Variants in DIP2C observed in about 807,000 individuals in gnomAD.
DIP2C encodes the protein DIP2 acetate--CoA ligase C (putative), also known as disco-interacting protein 2 homolog C.
A neutral mutation model predicts 192.4 loss-of-function variants in DIP2C; 33 were observed. The observed-to-expected ratio is 0.17, with a 90% CI of 0.13 to 0.23. DIP2C has a LOEUF of 0.23. DIP2C is among the 10% of genes least tolerant of loss of function. DIP2C has a pLI of 1.00. For synonymous variants in DIP2C, 979 were observed against 864.1 expected (o/e 1.13, Z -2.33); for missense variants, 1,537 against 2,110.1 (o/e 0.73, Z 5.32).
chr10:368,742 G>C (rs1367037201), intron 18 of DIP2C, among the ~76,000 whole-genome samples: 2 of 152,214 alleles, frequency 1.3e-5, no homozygotes, highest in Non-Finnish European at 2.9e-5. Flanking sequence ...CACAGGCATG[G>C]CTACCCTGCT....
Position 532,614 on chromosome 10 carries a change from T to A in DIP2C, c.86-46084A>T, listed in dbSNP as rs1466283151. 2.9e-3 allele frequency among the ~76,000 whole-genome samples: 369 copies of A among 125,664 alleles called. 20 individuals are homozygous for A. Among genetic ancestry groups the A allele is most frequent in the African/African-American group, 0.011 (324 of 28,200 alleles). The allele number at this position is 125,664 out of a possible 152,430, so 82.4% of individuals were successfully genotyped here. ...ATGGGTGTGAGAGAGAGTATGGGTG[T>A]GAGAGAGAGTATGGGTGTGAGAGAG... On this transcript the variant is annotated intron_variant, in intron 1 of 36. Transcript: ENST00000280886.
intron 1 of DIP2C, among the ~76,000 whole-genome samples, chr10:671,128 C>T (rs1238212540): frequency 1.3e-5 from 2 of 152,248 alleles, no homozygotes; most frequent in African/African-American, 4.8e-5. Flanking sequence ...TGCGGCTCCC[C>T]GAGCGTGTGT....
intron 35 of DIP2C, 127 bp downstream of exon 35, chr10:283,145 G>T: frequency 7.8e-7 from 1 of 1,286,882 alleles, no homozygotes; most frequent in Non-Finnish European, 1.1e-6. Flanking sequence ...TTTCACACTG[G>T]GTTGTAGCTA....
chr10:475,922 C>T (rs894356367), intron 2 of DIP2C, among the ~76,000 whole-genome samples: 1 of 152,196 alleles, frequency 6.6e-6, no homozygotes, highest in Non-Finnish European at 1.5e-5. Context: ...GCTGCTGGAA[C>T]AGATACCTCT....
intron 1 of DIP2C, among the ~76,000 whole-genome samples, chr10:578,716 T>C (rs986924261): frequency 2.0e-5 from 3 of 152,110 alleles, no homozygotes; most frequent in Non-Finnish European, 4.4e-5. Flanking sequence ...ACATACTATA[T>C]GTACATAGGT....
At chr10:304,760 G>C (rs77164926) in intron 32 of DIP2C, among the ~76,000 whole-genome samples, 1 of 104,812 alleles carries the variant, frequency 9.5e-6, no homozygotes, top group Non-Finnish European at 2.2e-5. Flanking sequence ...ACATAAAACA[G>C]TACACTACAC....
intron 1 of DIP2C, among the ~76,000 whole-genome samples, chr10:578,835 G>A (rs961515247): frequency 6.6e-6 from 1 of 152,006 alleles, no homozygotes; most frequent in African/African-American, 2.4e-5. Flanking sequence ...CACACATCCA[G>A]ATCCATATAG....
chr10:379,599 T>C (rs1589658492), intron 17 of DIP2C, among the ~76,000 whole-genome samples: 1 of 152,228 alleles, frequency 6.6e-6, no homozygotes, highest in Non-Finnish European at 1.5e-5. Flanking sequence ...CAGCTTCTGA[T>C]TTATCTACTT....
At chr10:491,180 T>C (rs988095417) in intron 1 of DIP2C, among the ~76,000 whole-genome samples, 8 of 152,112 alleles carry the variant, frequency 5.3e-5, no homozygotes, top group Non-Finnish European at 8.8e-5. Context: ...ACACGGACAC[T>C]TGGGAGCCGC....
rs566813468 is a variant in DIP2C, at chr10:502,560, ACT to A, written c.86-16032_86-16031del. ...AGAAACTGAAAACAGAAAGGAGGAA[ACT>A]CAAGTCACACCAAAAGCCTACGTAT... On this transcript the variant is annotated intron_variant, in intron 1 of 36. Coordinates refer to ENST00000280886, the MANE Select transcript of DIP2C (RefSeq NM_014974.3). Among the ~76,000 whole-genome samples, 14 of 152,102 alleles carry A rather than the reference ACT, an allele frequency of 9.2e-5. No individual in the cohort carries two copies. In the East Asian group the frequency reaches 2.3e-3, roughly 25 times the overall value.
intron 35 of DIP2C, among the ~76,000 whole-genome samples, chr10:281,597 ATCCAG>A (rs904810659): frequency 5.3e-5 from 8 of 152,318 alleles, no homozygotes; most frequent in Admixed American, 5.2e-4. Flanking sequence ...CAGCTTCGAT[ATCCAG>A]TCAACTGCCT....
intron 33 of DIP2C, among the ~76,000 whole-genome samples, chr10:288,001 CT>C (rs1161183851): frequency 6.6e-6 from 1 of 152,172 alleles, no homozygotes; most frequent in Non-Finnish European, 1.5e-5. Context: ...TTGTTCTCTT[CT>C]TTTTCTGTTT....
At chr10:626,371 C>T (rs1054377331) in intron 1 of DIP2C, among the ~76,000 whole-genome samples, 13 of 151,284 alleles carry the variant, frequency 8.6e-5, no homozygotes, top group Non-Finnish European at 1.5e-4. Context: ...GTGGGAGGGG[C>T]GGCAGCATCC....
chr10:394,996 A>G, intron 10 of DIP2C, among the ~76,000 whole-genome samples: 1 of 151,494 alleles, frequency 6.6e-6, no homozygotes. Flanking sequence ...GAACCAGGAC[A>G]TTAGGCTGCC....
intron 1 of DIP2C, among the ~76,000 whole-genome samples, chr10:579,326 T>G (rs960913947): frequency 6.6e-6 from 1 of 152,010 alleles, no homozygotes; most frequent in South Asian, 2.1e-4. Flanking sequence ...ATAATACGTG[T>G]GTACATGCAT....
At chr10:545,695 C>A (rs1459946774) in intron 1 of DIP2C, among the ~76,000 whole-genome samples, 11 of 152,176 alleles carry the variant, frequency 7.2e-5, no homozygotes, top group Admixed American at 7.2e-4. Context: ...AGCAGACTGA[C>A]AAAATGGGTC....
chr10:537,092 G>A (rs1182557239), intron 1 of DIP2C, among the ~76,000 whole-genome samples: 2 of 152,182 alleles, frequency 1.3e-5, no homozygotes, highest in African/African-American at 4.8e-5. Flanking sequence ...CAGGTCCCAG[G>A]TGAAGTCTGA....
At chr10:375,634 C>A (rs1206201955) in intron 17 of DIP2C, among the ~76,000 whole-genome samples, 1 of 152,160 alleles carries the variant, frequency 6.6e-6, no homozygotes, top group African/African-American at 2.4e-5. Flanking sequence ...GCCCGCATAA[C>A]ACCTTGAAGT....
intron 10 of DIP2C, among the ~76,000 whole-genome samples, chr10:398,301 C>A (rs1292478278): frequency 6.6e-6 from 1 of 152,184 alleles, no homozygotes; most frequent in Non-Finnish European, 1.5e-5. Flanking sequence ...GTCTCCACAA[C>A]CCCGAACCCT....
Sources: allele counts gnomAD v4.1 joint callset (sites outside exome capture counted in the v4.1 genomes callset), GRCh38; gene constraint gnomAD v4.1.1; transcripts MANE v1.5; gene names NCBI Gene and HGNC (gene_info 2026-07-23, HGNC 2026-07-21).